The following UGGT2 variants were observed in gnomAD, a reference collection of about 807,000 sequenced individuals.
UGGT2 encodes the protein UDP-glucose:glycoprotein glucosyltransferase 2.
UGGT2 carries 180 observed loss-of-function variants against 192.1 expected under a neutral mutation model. The observed-to-expected ratio is 0.94, with a 90% CI of 0.83 to 1.06. The LOEUF (loss-of-function observed/expected upper bound fraction) is 1.06, where lower values mean the gene tolerates loss of function less well. Among genes scored for constraint, UGGT2 ranks in the 50% least tolerant of loss-of-function variants. The pLI is 0.00. For missense variants in UGGT2, 1,849 were observed against 1,795.7 expected (o/e 1.03, Z -0.54); for synonymous variants, 580 against 591.0 (o/e 0.98, Z 0.27).
At chr13:95,848,907 T>G (rs1888741938) in intron 36 of UGGT2, among the ~76,000 whole-genome samples, 1 of 152,222 alleles carries the variant, frequency 6.6e-6, no homozygotes. Flanking sequence ...TTCCTATCCA[T>G]AAACAGGGAA....
intron 9 of UGGT2, 140 bp downstream of exon 9, chr13:95,986,193 T>C (rs1188021241): frequency 3.5e-6 from 2 of 564,100 alleles, no homozygotes; most frequent in Non-Finnish European, 6.0e-6. Flanking sequence ...ATATATATAT[T>C]GAAAAGGCCC....
At chr13:95,812,355 T>G (rs900856241) in intron 38 of UGGT2, among the ~76,000 whole-genome samples, 1 of 152,184 alleles carries the variant, frequency 6.6e-6, no homozygotes, top group Non-Finnish European at 1.5e-5. Context: ...GGCCCACCCT[T>G]GTATAAATAC....
chr13:95,802,483 T>C (rs1884105012), intron 38 of UGGT2, among the ~76,000 whole-genome samples: 1 of 152,060 alleles, frequency 6.6e-6, no homozygotes, highest in Admixed American at 6.5e-5. Flanking sequence ...AGATAATAAA[T>C]ATAAAAAGGA....
At chr13:95,957,711 A>G (rs555270975) in intron 12 of UGGT2, among the ~76,000 whole-genome samples, 79 of 152,324 alleles carry the variant, frequency 5.2e-4, no homozygotes, top group African/African-American at 1.8e-3. Flanking sequence ...ATTATTTTAC[A>G]AAGAGAATAG....
At chr13:95,854,524 G>T (rs775565456) in intron 34 of UGGT2, 49 bp from the exon 35 acceptor site, 2 of 1,462,764 alleles carry the variant, frequency 1.4e-6, no homozygotes, top group East Asian at 2.4e-5. Context: ...AATAACATAA[G>T]CCCTTTTTTA....
intron 1 of UGGT2, among the ~76,000 whole-genome samples, chr13:96,036,328 T>C (rs769621617): frequency 5.3e-4 from 81 of 152,274 alleles, no homozygotes; most frequent in Non-Finnish European, 1.0e-3. Context: ...CCGCATGTTT[T>C]CACTTACAAG....
intron 26 of UGGT2, among the ~76,000 whole-genome samples, chr13:95,885,866 T>C (rs1278287671): frequency 6.6e-6 from 1 of 151,984 alleles, no homozygotes; most frequent in Non-Finnish European, 1.5e-5. Flanking sequence ...GAAACTGCAG[T>C]GGAAGGTACA....
chr13:95,887,102 GTA>G (rs1224717908), intron 26 of UGGT2, among the ~76,000 whole-genome samples: 1 of 152,208 alleles, frequency 6.6e-6, no homozygotes. Flanking sequence ...AACATCTATA[GTA>G]TGTCAGTTGT....
At chr13:95,965,611 A>C (rs2050551140) in intron 12 of UGGT2, among the ~76,000 whole-genome samples, 1 of 133,832 alleles carries the variant, frequency 7.5e-6, no homozygotes, top group Admixed American at 7.5e-5. Flanking sequence ...GGGAGGGGGG[A>C]GGAATAGCAT....
At chr13:95,831,518 G>T (rs926880551) in intron 38 of UGGT2, among the ~76,000 whole-genome samples, 9 of 151,946 alleles carry the variant, frequency 5.9e-5, no homozygotes, top group African/African-American at 2.2e-4. Context: ...GTAACCAATT[G>T]TCTATTGATG....
chr13:96,033,175 G>A (rs1391314083), intron 1 of UGGT2, among the ~76,000 whole-genome samples: 5 of 152,220 alleles, frequency 3.3e-5, no homozygotes, highest in African/African-American at 1.2e-4. Flanking sequence ...CATGCTCATG[G>A]ATAGGAAGAA....
chr13:95,882,334 T>C (rs574974818), intron 27 of UGGT2, among the ~76,000 whole-genome samples: 1 of 152,360 alleles, frequency 6.6e-6, no homozygotes, highest in East Asian at 1.9e-4. Context: ...ATCAAGTTTC[T>C]TCCAGGTGTT....
intron 38 of UGGT2, chr13:95,809,247 T>C: frequency 1.7e-6 from 1 of 572,678 alleles, no homozygotes; most frequent in South Asian, 1.5e-5. Context: ...ATAAAAATAT[T>C]CCTCTGAATT....
intron 7 of UGGT2, among the ~76,000 whole-genome samples, chr13:95,995,119 G>T (rs932093057): frequency 6.6e-6 from 1 of 152,022 alleles, no homozygotes; most frequent in Non-Finnish European, 1.5e-5. Flanking sequence ...TCGACAGTAA[G>T]TAATTCAATA....
At chr13:95,838,606 A>G (rs1024445559) in intron 36 of UGGT2, among the ~76,000 whole-genome samples, 6 of 152,186 alleles carry the variant, frequency 3.9e-5, no homozygotes, top group Admixed American at 6.5e-5. Context: ...AAATACATCA[A>G]TGGAACACAA....
chr13:95,942,504 A>G (rs1386627663), intron 15 of UGGT2, among the ~76,000 whole-genome samples: 2 of 152,070 alleles, frequency 1.3e-5, no homozygotes, highest in African/African-American at 2.4e-5. Context: ...TGCATTTTTC[A>G]AATTTGTAAG....
At chr13:96,019,639 G>A (rs2052455795) in intron 4 of UGGT2, among the ~76,000 whole-genome samples, 1 of 152,168 alleles carries the variant, frequency 6.6e-6, no homozygotes, top group Admixed American at 6.5e-5. Context: ...ATGGGCAAGT[G>A]CAAATTACTT....
chr13:95,930,344 A>C (rs1464358212), intron 17 of UGGT2, among the ~76,000 whole-genome samples: 1 of 152,150 alleles, frequency 6.6e-6, no homozygotes, highest in Non-Finnish European at 1.5e-5. Context: ...CTTTCCCAAG[A>C]CTGATGTCCA....
At chr13:95,819,742 T>C (rs930189440) in intron 38 of UGGT2, among the ~76,000 whole-genome samples, 3 of 152,152 alleles carry the variant, frequency 2.0e-5, no homozygotes, top group Non-Finnish European at 2.9e-5. Context: ...CTCTTTCACA[T>C]AGGAAAACAT....
Sources: gnomAD v4.1 joint callset for allele counts (sites outside exome capture counted in the v4.1 genomes callset) on GRCh38, gnomAD v4.1.1 for gene constraint, MANE v1.5 for transcripts, NCBI Gene and HGNC (gene_info 2026-07-23, HGNC 2026-07-21) for gene names.